The following BAALC variants were observed in gnomAD, a reference collection of about 807,000 sequenced individuals.
BAALC encodes the protein BAALC binder of MAP3K1 and KLF4.
A neutral mutation model predicts 15.5 loss-of-function variants in BAALC; 9 were observed. The observed-to-expected ratio is 0.58, with a 90% CI of 0.35 to 1.02. The LOEUF (loss-of-function observed/expected upper bound fraction) is 1.02, where lower values mean the gene tolerates loss of function less well. Among genes scored for constraint, BAALC ranks in the 50% least tolerant of loss-of-function variants. The pLI is 0.02. For missense variants in BAALC, 201 were observed against 192.4 expected (o/e 1.04, Z -0.27); for synonymous variants, 80 against 74.6 (o/e 1.07, Z -0.37).
intron 1 of BAALC, among the ~76,000 whole-genome samples, chr8:103,144,064 T>C (rs373556082): frequency 6.6e-6 from 1 of 152,244 alleles, no homozygotes; most frequent in African/African-American, 2.4e-5. Flanking sequence ...TCCACAAACA[T>C]GTCTGCCCAA....
intron 1 of BAALC, among the ~76,000 whole-genome samples, chr8:103,165,060 G>A (rs1281847761): frequency 6.6e-6 from 1 of 152,216 alleles, no homozygotes; most frequent in African/African-American, 2.4e-5. Context: ...TTTGGGGCAT[G>A]GCTCCATGGA....
chr8:103,162,756 TTAA>T (rs34833938), intron 1 of BAALC, among the ~76,000 whole-genome samples: 119,238 of 151,736 alleles, frequency 0.79, 47,131 homozygotes, highest in East Asian at 0.87. Context: ...CATGGTAGTT[TTAA>T]TAATAACTAT....
intron 1 of BAALC, among the ~76,000 whole-genome samples, chr8:103,171,766 A>C (rs990166745): frequency 1.3e-5 from 2 of 152,198 alleles, no homozygotes; most frequent in Non-Finnish European, 2.9e-5. Context: ...TCTCCTTTGC[A>C]TCTGTTTACC....
intron 1 of BAALC, among the ~76,000 whole-genome samples, chr8:103,209,027 C>A (rs933260214): frequency 6.6e-6 from 1 of 152,082 alleles, no homozygotes; most frequent in African/African-American, 2.4e-5. Context: ...CAGTAGGGGC[C>A]TCTCACAGAC....
intron 1 of BAALC, among the ~76,000 whole-genome samples, chr8:103,173,163 C>T (rs912113308): frequency 7.9e-5 from 12 of 152,158 alleles, no homozygotes; most frequent in South Asian, 2.1e-4. Context: ...TTAATGGTGA[C>T]GCCAGCTTTA....
At chr8:103,151,312 C>T (rs748102421) in intron 1 of BAALC, among the ~76,000 whole-genome samples, 10 of 152,176 alleles carry the variant, frequency 6.6e-5, no homozygotes, top group Non-Finnish European at 1.2e-4. Context: ...CCACCTCACC[C>T]GGCCTAGGAA....
At position 103,202,440 on chromosome 8, in the gene BAALC, A is replaced by T. The variant is rs1453666491; in HGVS notation, c.161-10479A>T. Among the ~76,000 whole-genome samples, 3 of 152,328 alleles carry T rather than the reference A, an allele frequency of 2.0e-5. No individual in the cohort carries two copies. In the East Asian group the frequency reaches 5.8e-4, roughly 29 times the overall value. On this transcript the variant is annotated intron_variant, in intron 1 of 2. Transcript: ENST00000309982. ...TCTCAGGAGAAACCAACCTGTTGAC[A>T]CCTTGATCTTGGACTTCCAGCCTAC...
At chr8:103,227,085 C>G (rs1812822278) in intron 2 of BAALC, among the ~76,000 whole-genome samples, 1 of 152,272 alleles carries the variant, frequency 6.6e-6, no homozygotes, top group South Asian at 2.1e-4. Context: ...AGGCTCTGTG[C>G]TGTGTTGGTA....
At chr8:103,221,345 A>G (rs1020051694) in intron 2 of BAALC, among the ~76,000 whole-genome samples, 1 of 152,222 alleles carries the variant, frequency 6.6e-6, no homozygotes, top group East Asian at 1.9e-4. Context: ...CCCATTAACA[A>G]GAGTCAATGG....
chr8:103,142,906 G>C (rs1384902883), intron 1 of BAALC, among the ~76,000 whole-genome samples: 1 of 152,186 alleles, frequency 6.6e-6, no homozygotes, highest in African/African-American at 2.4e-5. Flanking sequence ...CCAAACATGG[G>C]CCAGCCCTGC....
intron 2 of BAALC, chr8:103,213,635 C>T (rs1291868919): frequency 6.5e-6 from 1 of 153,090 alleles, no homozygotes; most frequent in East Asian, 1.9e-4. Flanking sequence ...CCTTTCTTTT[C>T]TCCCAGAGCT....
intron 1 of BAALC, among the ~76,000 whole-genome samples, chr8:103,144,792 C>T (rs972039720): frequency 3.3e-5 from 5 of 152,118 alleles, no homozygotes; most frequent in Admixed American, 6.5e-5. Context: ...AAATGATTTA[C>T]CTAAATAAAC....
At position 103,221,731 on chromosome 8, in the gene BAALC, ATCT is replaced by A. The variant is rs201123380; in HGVS notation, c.328-6253_328-6251del. Among the ~76,000 whole-genome samples, 1,088 of 152,296 alleles carry A rather than the reference ATCT, an allele frequency of 7.1e-3. 9 individuals carry two copies. The highest frequency in any genetic ancestry group is 0.024 in the African/African-American group (1,012 of 41,556). ...ATCTGGCATTGTGATTCTTTTTCTC[ATCT>A]TCTTTCTCTCTCTTGCTTGGGCTTG... On this transcript the variant is annotated intron_variant, in intron 2 of 2. Transcript: ENST00000309982.
chr8:103,154,452 C>A (rs1451925858), intron 1 of BAALC, among the ~76,000 whole-genome samples: 2 of 152,156 alleles, frequency 1.3e-5, no homozygotes, highest in Non-Finnish European at 2.9e-5. Context: ...CCACTCCAAT[C>A]CCCTTCACAT....
intron 1 of BAALC, chr8:103,200,656 A>C: frequency 1.5e-6 from 1 of 683,858 alleles, no homozygotes. Context: ...TATTTCTCAC[A>C]GTTCTGGAGG....
intron 1 of BAALC, among the ~76,000 whole-genome samples, chr8:103,169,516 T>A (rs973526920): frequency 1.3e-5 from 2 of 152,190 alleles, no homozygotes; most frequent in Non-Finnish European, 2.9e-5. Context: ...ATTTATGACG[T>A]TGGGGCTTAA....
chr8:103,197,280 C>T (rs1394435760), intron 1 of BAALC, among the ~76,000 whole-genome samples: 1 of 152,032 alleles, frequency 6.6e-6, no homozygotes, highest in Non-Finnish European at 1.5e-5. Flanking sequence ...GGCTCTGGCA[C>T]CAGCAGCAGG....
chr8:103,220,877 T>G (rs1282398668), intron 2 of BAALC, among the ~76,000 whole-genome samples: 26 of 152,256 alleles, frequency 1.7e-4, no homozygotes, highest in Admixed American at 1.7e-3. Context: ...TCACACATCA[T>G]AATCTCAGAA....
chr8:103,205,092 AG>A (rs1231272884), intron 1 of BAALC, among the ~76,000 whole-genome samples: 24 of 152,158 alleles, frequency 1.6e-4, no homozygotes, highest in Admixed American at 1.6e-3. Flanking sequence ...AATGACTTGC[AG>A]GTTGTTTCTG....
Sources: allele counts gnomAD v4.1 joint callset (sites outside exome capture counted in the v4.1 genomes callset), GRCh38; gene constraint gnomAD v4.1.1; transcripts MANE v1.5; gene names NCBI Gene and HGNC (gene_info 2026-07-23, HGNC 2026-07-21).